SLC25A20: variants seen among roughly 807,000 people sequenced by gnomAD.
The protein encoded by SLC25A20 is mitochondrial carnitine/acylcarnitine carrier protein.
In SLC25A20, 29 loss-of-function variants were observed where a neutral mutation model predicts 39.7. That is an observed-to-expected ratio of 0.73 (90% CI 0.54 to 1.00). The LOEUF (loss-of-function observed/expected upper bound fraction) is 1.00. Among genes scored for constraint, SLC25A20 ranks in the 50% least tolerant of loss-of-function variants. The pLI, the probability that SLC25A20 is intolerant of heterozygous loss-of-function variation, is 0.00. For synonymous variants in SLC25A20, 103 were observed against 142.2 expected (o/e 0.72, Z 1.96); for missense variants, 333 against 379.9 (o/e 0.88, Z 1.03).
chr3:48,891,291 TC>T (rs2083874228), intron 2 of SLC25A20, among the ~76,000 whole-genome samples: 1 of 151,812 alleles, frequency 6.6e-6, no homozygotes, highest in Non-Finnish European at 1.5e-5. Flanking sequence ...GCCAGGGTGG[TC>T]TTGAACTCCT....
In SLC25A20 at chr3:48,862,553, G is replaced by A. The variant is rs757786095; in HGVS notation, c.524C>T (p.Thr175Ile). Residue 175 changes from threonine to isoleucine, a missense_variant, in exon 5 of 9, where the codon ACC becomes ATC. Physicochemically the swap from Thr to Ile is moderately conservative, Grantham distance 89 (BLOSUM62 -1). Coordinates refer to ENST00000319017, the MANE Select transcript of SLC25A20 (RefSeq NM_000387.6). ...IRGIYKGTVLTLMRDVPASGM... is the reference protein window; with the variant it reads ...IRGIYKGTVLILMRDVPASGM... ...GCCTGAAAGGTTACCTCGCATAAGG[G>A]TAAGCACAGTCCCTTTGTAGATGCC... 2 of 1,612,004 alleles carry A rather than the reference G, an allele frequency of 1.2e-6. No homozygotes were observed. Among genetic ancestry groups the A allele is most frequent in the Admixed American group, 1.7e-5 (1 of 60,016 alleles).
At chr3:48,866,855 G>A (rs1270700151) in intron 4 of SLC25A20, among the ~76,000 whole-genome samples, 1 of 151,876 alleles carries the variant, frequency 6.6e-6, no homozygotes, top group African/African-American at 2.4e-5. Flanking sequence ...GTGCAATGGC[G>A]CGATCTCGAC....
intron 1 of SLC25A20, among the ~76,000 whole-genome samples, chr3:48,894,993 T>C (rs1420280793): frequency 6.7e-6 from 1 of 150,344 alleles, no homozygotes; most frequent in Non-Finnish European, 1.5e-5. Flanking sequence ...AATTTTGCAT[T>C]TGTATATTTA....
intron 2 of SLC25A20, among the ~76,000 whole-genome samples, chr3:48,886,167 AAG>A (rs1252969484): frequency 6.6e-6 from 1 of 152,188 alleles, no homozygotes; most frequent in Non-Finnish European, 1.5e-5. Flanking sequence ...TAGGGAGACT[AAG>A]AGCTAAAATA....
rs1391425125 is a variant in SLC25A20 at position 48,857,871 on chromosome 3, C to T, written c.844-99G>A. 3 of 1,000,228 alleles carry T rather than the reference C, an allele frequency of 3.0e-6. No homozygotes were observed. In the East Asian group the frequency reaches 7.5e-5, roughly 25 times the overall value. 62.0% of individuals were successfully genotyped at this position (1,000,228 alleles called of 1,614,324 possible). ...TGCTGGCCCTGTCAGGACCAGAGCC[C>T]CTCCCTAACCCCACACCCACTCCAC... On this transcript the variant is annotated intron_variant, in intron 8 of 8. Transcript: ENST00000319017.
intron 4 of SLC25A20, among the ~76,000 whole-genome samples, chr3:48,865,152 G>A (rs913666787): frequency 3.3e-5 from 5 of 149,700 alleles, no homozygotes; most frequent in Non-Finnish European, 5.9e-5. Flanking sequence ...TTTTTGAGAC[G>A]GAGTCTTGCT....
At chr3:48,867,664 A>C (rs897076705) in intron 4 of SLC25A20, among the ~76,000 whole-genome samples, 15 of 151,838 alleles carry the variant, frequency 9.9e-5, no homozygotes, top group South Asian at 2.1e-4. Context: ...AGGGAAAAAA[A>C]AAAAACAAAA....
rs943756705 is a variant in SLC25A20 at position 48,856,927 on chromosome 3, A to G, written c.*783T>C. On this transcript the variant is annotated 3_prime_UTR_variant, in exon 9 of 9. Transcript: ENST00000319017. ...AAAGAAGAAAATATAACACAATGCA[A>G]AAATTAGAAACAACGTTTATTGTTT... The G allele has an allele frequency of 6.6e-6, 1 of 152,180 alleles. No individual in the cohort carries two copies. The highest frequency in any genetic ancestry group is 6.5e-5 in the Admixed American group (1 of 15,272). The allele number at this position is 152,180 out of a possible 1,614,324, so 9.4% of individuals were successfully genotyped here.
At chr3:48,863,963 C>T (rs1014075563) in intron 4 of SLC25A20, among the ~76,000 whole-genome samples, 6 of 151,352 alleles carry the variant, frequency 4.0e-5, no homozygotes, top group African/African-American at 7.3e-5. Flanking sequence ...TGCAGTGAGC[C>T]GAGATCGTGC....
chr3:48,884,279 CA>C (rs1457269875), intron 2 of SLC25A20, among the ~76,000 whole-genome samples, 155 bp from the exon 3 acceptor site: 3 of 152,168 alleles, frequency 2.0e-5, no homozygotes, highest in Non-Finnish European at 4.4e-5. Context: ...CCACATTTAT[CA>C]GAAATAATTT....
intron 1 of SLC25A20, among the ~76,000 whole-genome samples, chr3:48,897,269 G>C (rs1390039078): frequency 6.7e-6 from 1 of 149,438 alleles, no homozygotes; most frequent in African/African-American, 2.5e-5. Flanking sequence ...TCAGTGCAGA[G>C]GTCATCCAGT....
chr3:48,867,411 A>ATTTTTTTTTTTTTTTTTTTT (rs58122933), intron 4 of SLC25A20, among the ~76,000 whole-genome samples: 38 of 108,370 alleles, frequency 3.5e-4, no homozygotes, highest in Non-Finnish European at 5.0e-4. Flanking sequence ...TGCCTGGGTA[A>ATTTTTTTTTTTTTTTTTTTT]TTTTTTTTTT....
chr3:48,860,787 C>CA (rs1274348007), intron 5 of SLC25A20, among the ~76,000 whole-genome samples: 99 of 118,930 alleles, frequency 8.3e-4, no homozygotes, highest in African/African-American at 1.2e-3. Flanking sequence ...GACTCTGTCT[C>CA]AAAAAAAAAA....
chr3:48,868,002 G>A (rs1575982397), intron 4 of SLC25A20, among the ~76,000 whole-genome samples: 1 of 151,578 alleles, frequency 6.6e-6, no homozygotes, highest in Non-Finnish European at 1.5e-5. Context: ...CGGAGGTTGC[G>A]GTGAGCCGAG....
chr3:48,884,053 G>T lies in SLC25A20; in HGVS notation c.270C>A (p.Phe90Leu). ...GTTTCTTCCCCAAACCAAACCCAAA[G>T]AAGCACACGGCAAACATGGGAGTGA... ...IGVTPMFAVC[F>L]FGFGLGKKLQ... The change falls in exon 3 of 9, where the codon TTC becomes TTA. Residue 90 changes from phenylalanine to leucine, a missense_variant. Transcript: ENST00000319017. The T allele has an allele frequency of 6.2e-7, 1 of 1,614,016 alleles. No individual in the cohort carries two copies. The highest frequency in any genetic ancestry group is 1.1e-5 in the South Asian group (1 of 91,088).
chr3:48,859,320 G>A (rs1430644094), intron 6 of SLC25A20, 119 bp from the exon 7 acceptor site: 11 of 936,814 alleles, frequency 1.2e-5, no homozygotes, highest in East Asian at 2.5e-5. Context: ...GAGGGAGGAG[G>A]TATAAGGCCA....
chr3:48,891,159 C>G (rs1156382176), intron 2 of SLC25A20, among the ~76,000 whole-genome samples: 2 of 152,142 alleles, frequency 1.3e-5, no homozygotes, highest in African/African-American at 4.8e-5. Flanking sequence ...ACTGCAACCT[C>G]CCCGTCCTGG....
intron 3 of SLC25A20, 134 bp from the exon 4 acceptor site, chr3:48,879,582 G>C: frequency 1.4e-6 from 1 of 717,706 alleles, no homozygotes; most frequent in Middle Eastern, 2.4e-4. Context: ...AGCCACAAAT[G>C]AATCAGATTT....
At chr3:48,863,437 C>T (rs1316259830) in intron 4 of SLC25A20, among the ~76,000 whole-genome samples, 1 of 152,110 alleles carries the variant, frequency 6.6e-6, no homozygotes, top group African/African-American at 2.4e-5. Flanking sequence ...GGCTCCTATG[C>T]AGAGCCAGAG....
Sources: gnomAD v4.1 joint callset for allele counts (sites outside exome capture counted in the v4.1 genomes callset) on GRCh38, gnomAD v4.1.1 for gene constraint, MANE v1.5 for transcripts, NCBI Gene and HGNC (gene_info 2026-07-23, HGNC 2026-07-21) for gene names.